The following GIPC2 variants were observed in gnomAD, a reference collection of about 807,000 sequenced individuals.
GIPC2 encodes GIPC PDZ domain containing family member 2, also known as PDZ domain-containing protein GIPC2.
GIPC2 carries 30 observed loss-of-function variants against 30.6 expected under a neutral mutation model. That is an observed-to-expected ratio of 0.98 (90% CI 0.73 to 1.33). The LOEUF is 1.33. GIPC2 is among the 40% of genes most tolerant of loss of function. GIPC2 has a pLI of 0.00. For missense variants in GIPC2, 414 were observed against 390.3 expected, an observed-to-expected ratio of 1.06 and a Z score of -0.51; for synonymous variants, 167 against 150.0, an observed-to-expected ratio of 1.11 and a Z score of -0.83.
At chr1:78,128,101 G>A (rs1459140701) in intron 5 of GIPC2, among the ~76,000 whole-genome samples, 3 of 152,208 alleles carry the variant, frequency 2.0e-5, no homozygotes, top group Non-Finnish European at 2.9e-5. Context: ...CAAAATTTTC[G>A]TGTGGATGCT....
At chr1:78,085,553 C>A (rs1487242937) in intron 2 of GIPC2, among the ~76,000 whole-genome samples, 2 of 131,388 alleles carry the variant, frequency 1.5e-5, no homozygotes, top group Admixed American at 1.5e-4. Context: ...AGGTTCTAGG[C>A]TTTTTTTTTT....
chr1:78,119,176 T>C (rs1175290729), intron 3 of GIPC2, among the ~76,000 whole-genome samples: 2 of 152,240 alleles, frequency 1.3e-5, no homozygotes, highest in Non-Finnish European at 2.9e-5. Context: ...TTCCCTTTTC[T>C]TGGAGTTAGA....
intron 1 of GIPC2, among the ~76,000 whole-genome samples, chr1:78,074,438 G>T (rs1253041882): frequency 5.0e-5 from 7 of 141,324 alleles, no homozygotes; most frequent in Non-Finnish European, 7.9e-5. Flanking sequence ...GACTAGGCTG[G>T]TCTTGAACTC....
intron 1 of GIPC2, among the ~76,000 whole-genome samples, chr1:78,053,745 T>TAAAAA (rs11384461): frequency 1.1e-5 from 1 of 88,674 alleles, no homozygotes; most frequent in East Asian, 3.2e-4. Flanking sequence ...CCCTGCCTCT[T>TAAAAA]AAAAAAAAAA....
At chr1:78,124,609 T>A (rs750817801) in intron 4 of GIPC2, among the ~76,000 whole-genome samples, 38 of 152,328 alleles carry the variant, frequency 2.5e-4, no homozygotes, top group Non-Finnish European at 4.9e-4. Flanking sequence ...ATGGGACTTC[T>A]GGCATCCCTC....
At chr1:78,094,769 CA>C (rs1439879377) in intron 2 of GIPC2, 182 bp from the exon 3 acceptor site, 2 of 496,336 alleles carry the variant, frequency 4.0e-6, no homozygotes, top group African/African-American at 3.8e-5. Context: ...TTTAATGTCT[CA>C]AAAGCATAAA....
chr1:78,079,630 G>A (rs535837864), intron 1 of GIPC2, among the ~76,000 whole-genome samples: 9 of 152,248 alleles, frequency 5.9e-5, no homozygotes, highest in African/African-American at 1.7e-4. Context: ...TAGTGATTTC[G>A]GCATGAAACA....
At chr1:78,048,754 A>T (rs1490790916) in intron 1 of GIPC2, among the ~76,000 whole-genome samples, 1 of 151,866 alleles carries the variant, frequency 6.6e-6, no homozygotes, top group Non-Finnish European at 1.5e-5. Context: ...CTATATTGTT[A>T]CCCAAGTTTT....
chr1:78,128,018 G>A (rs148480764), intron 5 of GIPC2, among the ~76,000 whole-genome samples: 196 of 152,214 alleles, frequency 1.3e-3, no homozygotes, highest in Middle Eastern at 3.4e-3. Context: ...TAAAATTTCT[G>A]TACTGGATAT....
Position 78,046,006 on chromosome 1 carries a change from C to T in GIPC2, c.-89C>T, listed in dbSNP as rs1000737082. 4 of 1,393,828 alleles carry T rather than the reference C, an allele frequency of 2.9e-6. No homozygotes were observed. Among genetic ancestry groups the T allele is most frequent in the Non-Finnish European group, 3.7e-6 (4 of 1,076,860 alleles). The allele number at this position is 1,393,828 out of a possible 1,614,324, so 86.3% of individuals were successfully genotyped here. The stretch of plus-strand genomic sequence containing the variant: ...TGCCATTGGAGGCTGCTTTTACCTG[C>T]GCGGGGCCCGGGGCGCAAAGTCCGA... On this transcript the variant is annotated 5_prime_UTR_variant, in exon 1 of 6. Coordinates refer to ENST00000370759, the MANE Select transcript of GIPC2 (RefSeq NM_017655.6).
chr1:78,113,540 A>G (rs1662511254), intron 3 of GIPC2, among the ~76,000 whole-genome samples: 1 of 152,014 alleles, frequency 6.6e-6, no homozygotes, highest in South Asian at 2.1e-4. Flanking sequence ...GGTACATGCT[A>G]CCCTGTCTGG....
At chr1:78,125,985 A>C in intron 5 of GIPC2, 23 bp downstream of exon 5, 3 of 1,096,088 alleles carry the variant, frequency 2.7e-6, no homozygotes, top group Non-Finnish European at 4.2e-6. Flanking sequence ...TATTTAAAAA[A>C]GTCTTATATC....
chr1:78,124,761 T>A (rs1201796651), intron 4 of GIPC2, among the ~76,000 whole-genome samples: 2 of 152,188 alleles, frequency 1.3e-5, no homozygotes, highest in Non-Finnish European at 2.9e-5. Context: ...ATTCCAGCAC[T>A]TTAGGAGGCT....
At chr1:78,049,474 T>C (rs1452540084) in intron 1 of GIPC2, among the ~76,000 whole-genome samples, 1 of 152,206 alleles carries the variant, frequency 6.6e-6, no homozygotes, top group Non-Finnish European at 1.5e-5. Flanking sequence ...TTTTGAGATG[T>C]CAGTGGGGAC....
chr1:78,088,244 C>T (rs568578462), intron 2 of GIPC2, among the ~76,000 whole-genome samples: 1 of 152,360 alleles, frequency 6.6e-6, no homozygotes, highest in African/African-American at 2.4e-5. Context: ...AATCCCATTA[C>T]TGGGTGTATA....
At chr1:78,119,558 C>T in intron 4 of GIPC2, 59 bp downstream of exon 4, 1 of 1,051,892 alleles carries the variant, frequency 9.5e-7, no homozygotes, top group East Asian at 2.4e-5. Context: ...GATAAAATTC[C>T]ATTCATTCTA....
chr1:78,058,288 A>G (rs960165630), intron 1 of GIPC2, among the ~76,000 whole-genome samples: 1 of 152,210 alleles, frequency 6.6e-6, no homozygotes, highest in Admixed American at 6.5e-5. Flanking sequence ...AAAATCATGT[A>G]TGTAAGATCT....
chr1:78,118,673 C>T (rs1662618340), intron 3 of GIPC2, among the ~76,000 whole-genome samples: 1 of 152,178 alleles, frequency 6.6e-6, no homozygotes. Context: ...TTCTTTTGGA[C>T]CCTATTTCTG....
At chr1:78,128,604 G>GGA (rs1662828993) in intron 5 of GIPC2, among the ~76,000 whole-genome samples, 1 of 152,146 alleles carries the variant, frequency 6.6e-6, no homozygotes, top group South Asian at 2.1e-4. Flanking sequence ...TTTCCATACA[G>GGA]GAGGGAAGCA....
Sources: gnomAD v4.1 joint callset for allele counts (sites outside exome capture counted in the v4.1 genomes callset) on GRCh38, gnomAD v4.1.1 for gene constraint, MANE v1.5 for transcripts, NCBI Gene and HGNC (gene_info 2026-07-23, HGNC 2026-07-21) for gene names.